CDYL: variants seen among roughly 807,000 people sequenced by gnomAD.
The protein encoded by CDYL is chromodomain Y like, also known as chromodomain Y-like protein.
Under a neutral mutation model 47.3 loss-of-function variants are expected in CDYL, and 8 were observed. The ratio of observed to expected loss-of-function variants is 0.17; its 90% CI spans 0.10 to 0.31. CDYL has a LOEUF of 0.31. Ranked by LOEUF, CDYL falls within the 10% of genes least tolerant of loss-of-function variation. The probability of loss-of-function intolerance (pLI) is 1.00; values close to 1 mark genes in which losing one functional copy is unlikely to be tolerated. For missense variants in CDYL, 471 were observed against 701.4 expected, an observed-to-expected ratio of 0.67 and a Z score of 3.71; for synonymous variants, 266 against 265.0, an observed-to-expected ratio of 1.00 and a Z score of -0.04.
intron 6 of CDYL, among the ~76,000 whole-genome samples, chr6:4,953,542 A>T (rs1758773163): frequency 6.6e-6 from 1 of 152,210 alleles, no homozygotes; most frequent in African/African-American, 2.4e-5. Context: ...GTTTAGAAAA[A>T]TTCCCTCAAC....
At position 4,759,932 on chromosome 6, in the gene CDYL, GAAAGA is replaced by G. The variant is rs138182511; in HGVS notation, c.186+25101_186+25105del. On this transcript the variant is annotated intron_variant, in intron 3 of 8. Transcript: ENST00000328908. ...AAAAAAAAAAAAAAAAAAAGAAGAA[GAAAGA>G]AAAGAAAAGAAAGAAAGAAAAAAGA... Among the ~76,000 whole-genome samples the G allele has an allele frequency of 2.8e-3, 175 of 61,516 alleles. 13 individuals carry two copies. Among genetic ancestry groups the G allele is most frequent in the Admixed American group, 0.025 (136 of 5,356 alleles). The allele number at this position is 61,516 out of a possible 152,430, so 40.4% of individuals were successfully genotyped here.
At chr6:4,755,630 CA>C (rs1758063058) in intron 3 of CDYL, among the ~76,000 whole-genome samples, 1 of 152,140 alleles carries the variant, frequency 6.6e-6, no homozygotes, top group Non-Finnish European at 1.5e-5. Context: ...TTAGTGGCAT[CA>C]AAAGACTTAG....
At chr6:4,820,268 CCT>C (rs1463650373) in intron 1 of CDYL, among the ~76,000 whole-genome samples, 1 of 152,160 alleles carries the variant, frequency 6.6e-6, no homozygotes, top group Non-Finnish European at 1.5e-5. Context: ...TCTGAATATA[CCT>C]CTGTGACTTG....
intron 3 of CDYL, among the ~76,000 whole-genome samples, chr6:4,936,857 A>G (rs893201036): frequency 4.6e-5 from 7 of 152,208 alleles, no homozygotes; most frequent in Admixed American, 1.3e-4. Context: ...AAGAGCCGCA[A>G]TGGCTGTATA....
At chr6:4,857,958 T>G (rs1761056501) in intron 1 of CDYL, among the ~76,000 whole-genome samples, 2 of 152,206 alleles carry the variant, frequency 1.3e-5, no homozygotes, top group Non-Finnish European at 2.9e-5. Flanking sequence ...ATTTGCCAAG[T>G]TGGATTGTAT....
At chr6:4,744,612 T>C (rs1299035533) in intron 3 of CDYL, among the ~76,000 whole-genome samples, 3 of 152,226 alleles carry the variant, frequency 2.0e-5, no homozygotes, top group African/African-American at 7.2e-5. Flanking sequence ...TTCTTGTCAC[T>C]GTGTGCCAGG....
intron 1 of CDYL, among the ~76,000 whole-genome samples, chr6:4,874,440 G>T (rs1038442182): frequency 3.3e-5 from 5 of 152,128 alleles, no homozygotes; most frequent in Admixed American, 3.3e-4. Flanking sequence ...TGCTCCTCAT[G>T]GGAAGCTCTG....
intron 1 of CDYL, among the ~76,000 whole-genome samples, chr6:4,793,735 A>G (rs1317280637): frequency 6.6e-6 from 1 of 152,112 alleles, no homozygotes; most frequent in African/African-American, 2.4e-5. Context: ...GGAGGTAGTA[A>G]GGAGTGATTG....
At chr6:4,884,311 C>T (rs1257799941) in intron 1 of CDYL, among the ~76,000 whole-genome samples, 6 of 152,158 alleles carry the variant, frequency 3.9e-5, no homozygotes, top group South Asian at 4.2e-4. Context: ...TCCAGGATGC[C>T]GGGAAGCATG....
intron 3 of CDYL, among the ~76,000 whole-genome samples, chr6:4,936,992 A>C (rs1401244376): frequency 6.6e-6 from 1 of 152,224 alleles, no homozygotes. Flanking sequence ...AAATTAATTA[A>C]AATCATGGTA....
chr6:4,916,909 G>T (rs7770206), intron 2 of CDYL, among the ~76,000 whole-genome samples: 3 of 152,146 alleles, frequency 2.0e-5, no homozygotes, highest in Non-Finnish European at 2.9e-5. Context: ...ACCTCTGACA[G>T]GTGGGCCCTG....
At chr6:4,767,502 G>A (rs1758273617) in intron 3 of CDYL, among the ~76,000 whole-genome samples, 1 of 151,990 alleles carries the variant, frequency 6.6e-6, no homozygotes. Flanking sequence ...GAACCCAGGA[G>A]GTGGAGGTTG....
chr6:4,709,710 G>A (rs1757115555), intron 1 of CDYL, among the ~76,000 whole-genome samples: 1 of 152,104 alleles, frequency 6.6e-6, no homozygotes, highest in Admixed American at 6.5e-5. Context: ...CCTTAAGTCA[G>A]CTTTCATATT....
At chr6:4,870,511 T>G (rs1339723884) in intron 1 of CDYL, among the ~76,000 whole-genome samples, 1 of 152,232 alleles carries the variant, frequency 6.6e-6, no homozygotes, top group African/African-American at 2.4e-5. Flanking sequence ...ATTTGGGCTT[T>G]GTTGAGCTTC....
chr6:4,896,433 C>T (rs539648314), intron 2 of CDYL, among the ~76,000 whole-genome samples: 71 of 152,198 alleles, frequency 4.7e-4, no homozygotes, highest in African/African-American at 1.3e-3. Context: ...TCTGCAAGTA[C>T]TTGTGGATGG....
intron 1 of CDYL, among the ~76,000 whole-genome samples, chr6:4,833,653 G>A (rs1353123217): frequency 1.5e-4 from 22 of 151,356 alleles, no homozygotes; most frequent in African/African-American, 4.7e-4. Context: ...TTGTTGATCT[G>A]TCTAATGTTG....
chr6:4,893,564 G>A (rs917867667), intron 2 of CDYL, among the ~76,000 whole-genome samples: 8 of 152,066 alleles, frequency 5.3e-5, no homozygotes, highest in East Asian at 1.9e-4. Flanking sequence ...GCGGTGGCGC[G>A]CACCTGTAAT....
chr6:4,773,833 A>G (rs1305470239), upstream of CDYL, among the ~76,000 whole-genome samples: 1 of 152,194 alleles, frequency 6.6e-6, no homozygotes, highest in African/African-American at 2.4e-5. This position sits in a 1 kb window ranked among gnomAD's most constrained non-coding sequence, Gnocchi z 4.6. Context: ...ATAGCAGCAT[A>G]AACATTCCAG....
intron 3 of CDYL, among the ~76,000 whole-genome samples, chr6:4,739,520 CAAAA>C (rs34838574): frequency 1.2e-5 from 1 of 80,312 alleles, no homozygotes. Flanking sequence ...AACTCTGACT[CAAAA>C]AAAAAAAAAA....
Sources: allele counts gnomAD v4.1 joint callset (sites outside exome capture counted in the v4.1 genomes callset), GRCh38; gene constraint gnomAD v4.1.1; non-coding constraint Gnocchi (gnomAD v3.1); transcripts MANE v1.5; gene names NCBI Gene and HGNC (gene_info 2026-07-23, HGNC 2026-07-21).